IL2: variants seen among roughly 807,000 people sequenced by gnomAD.
IL2 encodes interleukin-2.
In IL2, 3 loss-of-function variants were observed where a neutral mutation model predicts 14.6. The ratio of observed to expected loss-of-function variants is 0.21; its 90% CI spans 0.09 to 0.53. IL2 has a LOEUF of 0.53. Ranked by LOEUF, IL2 falls within the 20% of genes least tolerant of loss-of-function variation. The pLI is 0.95. For missense variants in IL2, 125 were observed against 170.8 expected (o/e 0.73, Z 1.50); for synonymous variants, 71 against 60.0 (o/e 1.18, Z -0.85).
Position 122,456,191 on chromosome 4 carries a change from G to T in IL2, c.160C>A (p.Pro54Thr). 1 of 1,608,918 alleles carries T rather than the reference G, an allele frequency of 6.2e-7. No individual in the cohort carries two copies. Among genetic ancestry groups the T allele is most frequent in the Non-Finnish European group, 8.5e-7 (1 of 1,176,004 alleles). Reference sequence around the variant, plus strand: ...AATGTGAGCATCCTGGTGAGTTTGGGATTCTTGTAATTCTAAGAAAGTATA... The same window carrying T: ...AATGTGAGCATCCTGGTGAGTTTGGTATTCTTGTAATTCTAAGAAAGTATA... ...ILNGINNYKN[P>T]KLTRMLTFKF... The change falls in exon 2 of 4, where the codon CCC (proline) becomes ACC (threonine). Residue 54 changes from proline to threonine, a missense_variant. Pro to Thr is a conservative substitution (Grantham distance 38). Transcript: ENST00000226730.
chr4:122,451,675 T>A lies in IL2; in HGVS notation c.*77A>T. On this transcript the variant is annotated 3_prime_UTR_variant, in exon 4 of 4. Transcript: ENST00000226730. ...GTTACAATAGGTAGCAAACCATACA[T>A]TCAACAATAAATATAAAATTTAAAT... is the stretch of plus-strand genomic sequence containing the variant. 1 of 483,118 alleles carries A rather than the reference T, an allele frequency of 2.1e-6. No homozygotes were observed. The highest frequency in any genetic ancestry group is 3.5e-6 in the Non-Finnish European group (1 of 284,638). 29.9% of individuals were successfully genotyped at this position (483,118 alleles called of 1,614,324 possible). A position where few individuals can be genotyped will look rare whatever the true frequency, so the allele number is the denominator to read the frequency against.
In IL2 at chr4:122,451,595, T is replaced by C; in HGVS notation, c.*157A>G. On this transcript the variant is annotated 3_prime_UTR_variant, in exon 4 of 4. Coordinates refer to ENST00000226730, the MANE Select transcript of IL2 (RefSeq NM_000586.4). The stretch of plus-strand genomic sequence containing the variant: ...GAAACCATTTTAGAGCCCCTAGGGC[T>C]TACAAAAAGAATCATAAAAGATCCA... 2.7e-6 allele frequency: 1 copy of C among 372,068 alleles called. No individual in the cohort carries two copies. Among genetic ancestry groups the C allele is most frequent in the Non-Finnish European group, 4.9e-6 (1 of 204,192 alleles). The allele number at this position is 372,068 out of a possible 1,614,324, so 23.0% of individuals were successfully genotyped here. A position where few individuals can be genotyped will look rare whatever the true frequency, so the allele number is the denominator to read the frequency against.
In IL2 at chr4:122,453,740, G is replaced by A. The variant is rs779955038; in HGVS notation, c.321C>T (p.Ser107=). The A allele has an allele frequency of 6.2e-7, 1 of 1,609,794 alleles. No individual in the cohort carries two copies. The highest frequency in any genetic ancestry group is 1.3e-5 in the African/African-American group (1 of 74,472). ...NFHLRPRDLI[S]NINVIVLELK... ...GTTCCAGAACTATTACGTTGATATT[G>A]CTGATTAAGTCCCTGGGTCTTAAGT... is the stretch of plus-strand genomic sequence containing the variant. Residue 107 remains serine (S), a synonymous_variant, in exon 3 of 4, where the codon AGC becomes AGT. Coordinates refer to ENST00000226730, the MANE Select transcript of IL2 (RefSeq NM_000586.4).
intron 3 of IL2, among the ~76,000 whole-genome samples, chr4:122,452,424 C>G (rs990064154): frequency 2.0e-5 from 3 of 151,946 alleles, no homozygotes; most frequent in Non-Finnish European, 2.9e-5. Context: ...AATACTTACA[C>G]CTATCCCTAC....
At chr4:122,453,048 G>T (rs1356132231) in intron 3 of IL2, among the ~76,000 whole-genome samples, 1 of 152,016 alleles carries the variant, frequency 6.6e-6, no homozygotes, top group Non-Finnish European at 1.5e-5. Context: ...TACTTATGCT[G>T]CTTATTTAGG....
chr4:122,451,791 C>G lies in IL2; in HGVS notation c.423G>C (p.Trp141Cys). The change falls in exon 4 of 4, where the codon TGG becomes TGC. Residue 141 changes from tryptophan to cysteine, a missense_variant. By Grantham distance (215) the Trp-to-Cys change is radical. Coordinates refer to ENST00000226730, the MANE Select transcript of IL2 (RefSeq NM_000586.4). ...TATIVEFLNR[W>C]ITFCQSIIST... ...AGATGATGCTTTGACAAAAGGTAAT[C>G]CATCTGTTCAGAAATTCTACAATGG... 1 of 1,588,170 alleles carries G rather than the reference C, an allele frequency of 6.3e-7. No homozygotes were observed. The highest frequency in any genetic ancestry group is 8.6e-7 in the Non-Finnish European group (1 of 1,164,976).
chr4:122,456,327 C>A lies in IL2; in HGVS notation c.114G>T (p.Leu38=), dbSNP rs2069763. 531,508 of 1,606,330 alleles carry A rather than the reference C, an allele frequency of 0.33. 93,631 individuals are homozygous for A. Among genetic ancestry groups the A allele is most frequent in the East Asian group, 0.49 (21,934 of 44,750 alleles). ...CATTCAAAATCATCTGTAAATCCAG[C>A]AGTAAATGCTCCAGTTGTAGCTGTG... The part of the protein sequence containing the change: ...KKTQLQLEHL[L]LDLQMILNGI... Residue 38 remains leucine (L), a synonymous_variant, in exon 1 of 4, where the codon CTG becomes CTT. Transcript: ENST00000226730.
At chr4:122,452,054 T>G (rs1467661187) in intron 3 of IL2, among the ~76,000 whole-genome samples, 192 bp from the exon 4 acceptor site, 2 of 152,080 alleles carry the variant, frequency 1.3e-5, no homozygotes, top group African/African-American at 4.8e-5. Flanking sequence ...CAAATGATAG[T>G]AACACAGAAG....
intron 3 of IL2, among the ~76,000 whole-genome samples, chr4:122,452,541 A>T (rs1040684107): frequency 2.0e-5 from 3 of 152,046 alleles, no homozygotes; most frequent in African/African-American, 4.8e-5. Flanking sequence ...CTCTGCTGAA[A>T]GGAGCTATTT....
chr4:122,453,672 T>G (rs750993098), intron 3 of IL2, 38 bp downstream of exon 3: 4 of 1,541,344 alleles, frequency 2.6e-6, no homozygotes. Flanking sequence ...TACTTTTTTT[T>G]TTTTATTTCC....
At chr4:122,452,823 G>C (rs1485441199) in intron 3 of IL2, among the ~76,000 whole-genome samples, 1 of 151,754 alleles carries the variant, frequency 6.6e-6, no homozygotes, top group Admixed American at 6.6e-5. Context: ...ATTTTTGCAT[G>C]GTTTTGTCTT....
Position 122,456,478 on chromosome 4 carries a change from A to G in IL2, c.-38T>C. 1 of 1,533,066 alleles carries G rather than the reference A, an allele frequency of 6.5e-7. No homozygotes were observed. The highest frequency in any genetic ancestry group is 8.9e-7 in the Non-Finnish European group (1 of 1,125,566). 95.0% of individuals were successfully genotyped at this position (1,533,066 alleles called of 1,614,324 possible). Reference sequence around the variant, plus strand: ...TGAGGTTACTGTGAGTAGTGATTAAAGAGAGTGATAGGGAACTCTTGAACA... The same window carrying G: ...TGAGGTTACTGTGAGTAGTGATTAAGGAGAGTGATAGGGAACTCTTGAACA... On this transcript the variant is annotated 5_prime_UTR_variant, in exon 1 of 4. Coordinates refer to ENST00000226730, the MANE Select transcript of IL2 (RefSeq NM_000586.4).
chr4:122,453,922 TTTA>T, intron 2 of IL2, 69 bp from the exon 3 acceptor site: 1 of 1,403,796 alleles, frequency 7.1e-7, no homozygotes, highest in Non-Finnish European at 9.7e-7. Context: ...TCCAATTTAT[TTTA>T]TTTGGAGTAG....
Position 122,453,574 on chromosome 4 carries a change from G to A in IL2, c.351+136C>T, listed in dbSNP as rs1394625272. The A allele has an allele frequency of 1.1e-5, 7 of 662,352 alleles. No homozygotes were observed. The East Asian group carries it at 1.6e-4, about 15-fold the overall frequency. 41.0% of individuals were successfully genotyped at this position (662,352 alleles called of 1,614,324 possible). On this transcript the variant is annotated intron_variant, in intron 3 of 3. Transcript: ENST00000226730. ...ATTAGAAATGATTCATGTTCACAGTGTACTTAAAATGTAGGCTAATTACAT... is the reference window on the plus strand; with the variant it reads ...ATTAGAAATGATTCATGTTCACAGTATACTTAAAATGTAGGCTAATTACAT...
intron 3 of IL2, among the ~76,000 whole-genome samples, chr4:122,452,429 C>T (rs1368755633): frequency 6.6e-6 from 1 of 151,956 alleles, no homozygotes; most frequent in East Asian, 1.9e-4. Flanking sequence ...TTACACCTAT[C>T]CCTACCCCAT....
intron 3 of IL2, among the ~76,000 whole-genome samples, chr4:122,452,110 T>G (rs1580833620): frequency 6.6e-6 from 1 of 152,028 alleles, no homozygotes; most frequent in Non-Finnish European, 1.5e-5. Flanking sequence ...ACACAAAAAT[T>G]TTTTCCCTAA....
intron 2 of IL2, 30 bp from the exon 3 acceptor site, chr4:122,453,883 T>A: frequency 6.4e-7 from 1 of 1,570,292 alleles, no homozygotes; most frequent in Non-Finnish European, 8.6e-7. Context: ...CAGCTCAGTT[T>A]ACATAGAGGT....
chr4:122,453,665 T>A, intron 3 of IL2, 45 bp downstream of exon 3: 2 of 377,118 alleles, frequency 5.3e-6, no homozygotes, highest in Non-Finnish European at 4.1e-6. Flanking sequence ...TTCCCCCTAC[T>A]TTTTTTTTTT....
In IL2 at chr4:122,456,694, C is replaced by G; in HGVS notation, c.-254G>C. Reference sequence around the variant, plus strand: ...CTGAATGGATGTAGGTGAAATCCCTCTTTGTTACATTAGCCCACACTTAGG... The same window carrying G: ...CTGAATGGATGTAGGTGAAATCCCTGTTTGTTACATTAGCCCACACTTAGG... On this transcript the variant is annotated 5_prime_UTR_variant, in exon 1 of 4. Coordinates refer to ENST00000226730, the MANE Select transcript of IL2 (RefSeq NM_000586.4). The G allele has an allele frequency of 2.9e-6, 1 of 342,656 alleles. No homozygotes were observed. The highest frequency in any genetic ancestry group is 7.9e-4 in the Middle Eastern group (1 of 1,272). The allele number at this position is 342,656 out of a possible 1,614,324, so 21.2% of individuals were successfully genotyped here.
Sources: allele counts gnomAD v4.1 joint callset (sites outside exome capture counted in the v4.1 genomes callset), GRCh38; gene constraint gnomAD v4.1.1; transcripts MANE v1.5; gene names NCBI Gene and HGNC (gene_info 2026-07-23, HGNC 2026-07-21).